Variants in JHY observed in about 807,000 individuals in gnomAD.
JHY encodes jhy protein homolog.
JHY carries 69 observed loss-of-function variants against 78.0 expected under a neutral mutation model. That is an observed-to-expected ratio of 0.88 (90% CI 0.73 to 1.08). The LOEUF (loss-of-function observed/expected upper bound fraction) is 1.08, where lower values mean the gene tolerates loss of function less well. Among genes scored for constraint, JHY ranks in the 50% least tolerant of loss-of-function variants. The pLI, the probability that JHY is intolerant of heterozygous loss-of-function variation, is 0.00. For missense variants in JHY, 944 were observed against 927.8 expected, an observed-to-expected ratio of 1.02 and a Z score of -0.23; for synonymous variants, 368 against 342.6, an observed-to-expected ratio of 1.07 and a Z score of -0.82.
chr11:122,919,078 C>A (rs946087628), intron 3 of JHY, among the ~76,000 whole-genome samples: 12 of 152,072 alleles, frequency 7.9e-5, no homozygotes, highest in African/African-American at 1.7e-4. Flanking sequence ...GTGGGCCAGG[C>A]ACAGTGGGTC....
chr11:122,892,306 A>G (rs1862634750), intron 2 of JHY, among the ~76,000 whole-genome samples: 1 of 151,468 alleles, frequency 6.6e-6, no homozygotes, highest in Non-Finnish European at 1.5e-5. Flanking sequence ...TAAAAAAAAA[A>G]GGGACTCATA....
Position 122,960,955 on chromosome 11 carries a change from G to A in JHY, c.*1510G>A, listed in dbSNP as rs367816077. ...CATATATCTGTGCAGAACATGATGC[G>A]TTGAAAGGAACAAGAGCACATGATA... On this transcript the variant is annotated 3_prime_UTR_variant, in exon 9 of 9. Coordinates refer to ENST00000227349, the MANE Select transcript of JHY (RefSeq NM_024806.4). The A allele has an allele frequency of 1.5e-4, 110 of 741,558 alleles. No homozygotes were observed. Among genetic ancestry groups the A allele is most frequent in the African/African-American group, 7.6e-4 (44 of 58,026 alleles). The allele number at this position is 741,558 out of a possible 1,614,324, so 45.9% of individuals were successfully genotyped here.
chr11:122,923,428 C>T (rs1366247394), intron 3 of JHY, among the ~76,000 whole-genome samples: 1 of 152,134 alleles, frequency 6.6e-6, no homozygotes, highest in Non-Finnish European at 1.5e-5. Context: ...AAACATCTAC[C>T]AGGGATGGTG....
At position 122,904,045 on chromosome 11, in the gene JHY, A is replaced by C. The variant is rs903960445; in HGVS notation, c.465A>C (p.Leu155Phe). The part of the protein sequence containing the change: ...EALPESTDSS[L>F]ENLPLAPLYP... ...TGCCGGAGTCCACGGACAGCTCTTT[A>C]GAAAATCTGCCTTTGGCTCCCCTCT... Residue 155 changes from leucine (L) to phenylalanine (F), a missense_variant, in exon 3 of 9, where the codon TTA becomes TTC. Physicochemically the swap from Leu to Phe is conservative, Grantham distance 22 (BLOSUM62 0). Transcript: ENST00000227349. The C allele has an allele frequency of 3.1e-6, 5 of 1,614,156 alleles. No individual in the cohort carries two copies. Among genetic ancestry groups the C allele is most frequent in the Admixed American group, 1.7e-5 (1 of 60,024 alleles).
chr11:122,926,033 A>T (rs1451692394), intron 4 of JHY, among the ~76,000 whole-genome samples: 1 of 150,752 alleles, frequency 6.6e-6, no homozygotes, highest in Non-Finnish European at 1.5e-5. Flanking sequence ...GAAAAAAAAA[A>T]AAAGATTAGC....
At chr11:122,938,370 A>G (rs567253238) in intron 5 of JHY, among the ~76,000 whole-genome samples, 1 of 151,110 alleles carries the variant, frequency 6.6e-6, no homozygotes, top group East Asian at 1.9e-4. Flanking sequence ...CAGCCTTTCT[A>G]CTGCTATCAT....
intron 6 of JHY, among the ~76,000 whole-genome samples, chr11:122,953,694 A>C (rs1332330137): frequency 2.0e-5 from 3 of 152,102 alleles, no homozygotes; most frequent in Non-Finnish European, 4.4e-5. Flanking sequence ...TATAATGGAG[A>C]GGAAGCAGCT....
At chr11:122,924,629 T>C (rs557884083) in intron 3 of JHY, among the ~76,000 whole-genome samples, 1 of 152,322 alleles carries the variant, frequency 6.6e-6, no homozygotes, top group East Asian at 1.9e-4. Flanking sequence ...TTGGGTCCCC[T>C]GAGTATGTAT....
chr11:122,938,770 TGATCTTTGG>T (rs1863809377), intron 5 of JHY, among the ~76,000 whole-genome samples: 1 of 151,984 alleles, frequency 6.6e-6, no homozygotes, highest in South Asian at 2.1e-4. Flanking sequence ...GCCTATAGAA[TGATCTTTGG>T]GTGCCATGTG....
chr11:122,938,715 A>G (rs1349433671), intron 5 of JHY, among the ~76,000 whole-genome samples: 2 of 151,946 alleles, frequency 1.3e-5, no homozygotes, highest in Admixed American at 1.3e-4. Context: ...AGGGACTAGA[A>G]AGCTTATTGG....
Position 122,960,702 on chromosome 11 carries a change from G to A in JHY, c.*1257G>A, listed in dbSNP as rs978197056. The A allele has an allele frequency of 9.6e-6, 4 of 415,010 alleles. No individual in the cohort carries two copies. Among genetic ancestry groups the A allele is most frequent in the Non-Finnish European group, 9.6e-6 (2 of 207,290 alleles). 25.7% of individuals were successfully genotyped at this position (415,010 alleles called of 1,614,324 possible). ...ATATGGTGCCTCTATTGGAGAATCT[G>A]CTTATCAACTCAATGAGCAAAACAT... On this transcript the variant is annotated 3_prime_UTR_variant, in exon 9 of 9. Transcript: ENST00000227349.
rs191417401 is a variant in JHY at position 122,963,538 on chromosome 11, A to G, written c.*4093A>G. ...TACAGCAGAATGTCACTAAACTACC[A>G]TAAAACTAAGGGGAGAGATTTTGCA... is the stretch of plus-strand genomic sequence containing the variant. On this transcript the variant is annotated 3_prime_UTR_variant, in exon 9 of 9. Coordinates refer to ENST00000227349, the MANE Select transcript of JHY (RefSeq NM_024806.4). Among the ~76,000 whole-genome samples the G allele has an allele frequency of 6.6e-4, 101 of 152,334 alleles. 3 individuals are homozygous for G. The East Asian group carries it at 0.016, about 24-fold the overall frequency.
At chr11:122,908,572 A>T (rs1025311354) in intron 3 of JHY, among the ~76,000 whole-genome samples, 1 of 152,234 alleles carries the variant, frequency 6.6e-6, no homozygotes, top group African/African-American at 2.4e-5. Context: ...AAAATCTAAA[A>T]GTCAGAGTTG....
intron 2 of JHY, among the ~76,000 whole-genome samples, chr11:122,900,063 G>A (rs371156132): frequency 3.9e-5 from 6 of 152,236 alleles, no homozygotes; most frequent in Admixed American, 2.6e-4. Flanking sequence ...GCAGTGCAGC[G>A]AGGTTTTAGG....
chr11:122,956,169 A>G (rs3133339), intron 6 of JHY, among the ~76,000 whole-genome samples: 1 of 150,260 alleles, frequency 6.7e-6, no homozygotes, highest in African/African-American at 2.4e-5. Context: ...AAAAAAAAAA[A>G]TAAAATAAAA....
At chr11:122,948,531 C>A (rs940623818) in intron 6 of JHY, among the ~76,000 whole-genome samples, 6 of 151,052 alleles carry the variant, frequency 4.0e-5, no homozygotes, top group African/African-American at 1.2e-4. Context: ...GAGCTATGAC[C>A]CCTCCTCAGA....
Position 122,960,091 on chromosome 11 carries a change from A to G in JHY, c.*646A>G, listed in dbSNP as rs139625160. Among the ~76,000 whole-genome samples the G allele has an allele frequency of 2.5e-3, 387 of 152,108 alleles. No homozygotes were observed. The highest frequency in any genetic ancestry group is 4.7e-3 in the Non-Finnish European group (317 of 67,994). ...TCTACTAAAAATACAAAAATTAGCTAGGCGTGGTGGCGCATGTCTATAGTT... is the reference window on the plus strand; with the variant it reads ...TCTACTAAAAATACAAAAATTAGCTGGGCGTGGTGGCGCATGTCTATAGTT... On this transcript the variant is annotated 3_prime_UTR_variant, in exon 9 of 9. Coordinates refer to ENST00000227349, the MANE Select transcript of JHY (RefSeq NM_024806.4).
At position 122,959,237 on chromosome 11, in the gene JHY, T is replaced by C; in HGVS notation, c.2140-11T>C. 6.2e-7 allele frequency: 1 copy of C among 1,601,328 alleles called. No homozygotes were observed. Among genetic ancestry groups the C allele is most frequent in the Non-Finnish European group, 8.5e-7 (1 of 1,175,870 alleles). ...CCCATTTCAAATAAAATTTCATCTTTATGCGTTTAGGCTTTGGAATACGCT... is the reference window on the plus strand; with the variant it reads ...CCCATTTCAAATAAAATTTCATCTTCATGCGTTTAGGCTTTGGAATACGCT... On this transcript the variant is annotated splice_polypyrimidine_tract_variant and intron_variant, in intron 8 of 8. Transcript: ENST00000227349.
chr11:122,955,278 G>T (rs1379769539), intron 6 of JHY, among the ~76,000 whole-genome samples: 1 of 152,004 alleles, frequency 6.6e-6, no homozygotes, highest in Admixed American at 6.6e-5. Flanking sequence ...CTGCCACCAC[G>T]CCCACCTAAT....
Sources: allele counts gnomAD v4.1 joint callset (sites outside exome capture counted in the v4.1 genomes callset), GRCh38; gene constraint gnomAD v4.1.1; transcripts MANE v1.5; gene names NCBI Gene and HGNC (gene_info 2026-07-23, HGNC 2026-07-21).